Variants in AKT3 observed in about 807,000 individuals in gnomAD.
AKT3 encodes RAC-gamma serine/threonine-protein kinase.
A neutral mutation model predicts 65.3 loss-of-function variants in AKT3; 15 were observed. The observed-to-expected ratio is 0.23, with a 90% CI of 0.15 to 0.35. AKT3 has a LOEUF of 0.35. Among genes scored for constraint, AKT3 ranks in the 10% least tolerant of loss-of-function variants. The probability of loss-of-function intolerance (pLI) is 1.00; values close to 1 mark genes in which losing one functional copy is unlikely to be tolerated. For missense variants in AKT3, 243 were observed against 576.5 expected, an observed-to-expected ratio of 0.42 and a Z score of 5.92; for synonymous variants, 206 against 183.8, an observed-to-expected ratio of 1.12 and a Z score of -0.98.
intron 8 of AKT3, among the ~76,000 whole-genome samples, chr1:243,611,010 T>G (rs750853741): frequency 3.3e-5 from 5 of 152,240 alleles, no homozygotes; most frequent in Non-Finnish European, 5.9e-5. Flanking sequence ...CATTCTGTGG[T>G]GCATCTGTAC....
At chr1:243,640,490 C>T (rs981675831) in intron 5 of AKT3, among the ~76,000 whole-genome samples, 1 of 152,164 alleles carries the variant, frequency 6.6e-6, no homozygotes, top group African/African-American at 2.4e-5. Context: ...AGCCTTTAAG[C>T]CTGGCAGTTT....
At chr1:243,588,944 T>C (rs956770785) in intron 8 of AKT3, among the ~76,000 whole-genome samples, 10 of 151,774 alleles carry the variant, frequency 6.6e-5, no homozygotes. Flanking sequence ...ATCAACAGAG[T>C]CAAAAACCTA....
intron 7 of AKT3, 57 bp from the exon 8 acceptor site, chr1:243,613,796 A>G: frequency 9.1e-7 from 1 of 1,098,960 alleles, no homozygotes; most frequent in Non-Finnish European, 1.3e-6. Flanking sequence ...TTATAATTAT[A>G]ATAGTACTAA....
rs1670072927 is a variant in AKT3 at position 243,512,440 on chromosome 1, GAA to G, written c.1252-16_1252-15del. On this transcript the variant is annotated splice_polypyrimidine_tract_variant and intron_variant, in intron 12 of 13. Coordinates refer to ENST00000673466, the MANE Select transcript of AKT3 (RefSeq NM_005465.7). Reference sequence around the variant, plus strand: ...AGGAGGTACAAGCTGTAAAAAGAAAGAAAAAGAGTTTTATTAACTGATTTCAA... The same window carrying G: ...AGGAGGTACAAGCTGTAAAAAGAAAGAAAGAGTTTTATTAACTGATTTCAA... 1 of 1,462,234 alleles carries G rather than the reference GAA, an allele frequency of 6.8e-7. No homozygotes were observed. Among genetic ancestry groups the G allele is most frequent in the African/African-American group, 1.4e-5 (1 of 70,024 alleles). 90.6% of individuals were successfully genotyped at this position (1,462,234 alleles called of 1,614,324 possible). A position where few individuals can be genotyped will look rare whatever the true frequency, so the allele number is the denominator to read the frequency against.
At chr1:243,613,529 C>T (rs931637448) in intron 8 of AKT3, 142 bp downstream of exon 8, 22 of 474,220 alleles carry the variant, frequency 4.6e-5, no homozygotes, top group Admixed American at 1.2e-4. Context: ...AATTTCGCTC[C>T]CATTTGTTCA....
intron 2 of AKT3, among the ~76,000 whole-genome samples, chr1:243,720,342 G>T (rs930621255): frequency 7.3e-5 from 11 of 149,850 alleles, no homozygotes; most frequent in Non-Finnish European, 1.2e-4. Context: ...GGTTAAAAAT[G>T]GTTAAAATGG....
intron 12 of AKT3, among the ~76,000 whole-genome samples, chr1:243,529,336 T>C (rs1671367618): frequency 1.3e-5 from 2 of 152,198 alleles, no homozygotes; most frequent in Non-Finnish European, 2.9e-5. Context: ...CAATGGCTTT[T>C]GGAGTCTTTG....
chr1:243,793,349 A>G (rs770202622), intron 2 of AKT3: 1 of 152,070 alleles, frequency 6.6e-6, no homozygotes, highest in Non-Finnish European at 1.5e-5. Context: ...CAGCCTCCCA[A>G]AGTATTGGGA....
intron 3 of AKT3, among the ~76,000 whole-genome samples, chr1:243,671,058 G>A (rs12032342): frequency 0.17 from 25,658 of 150,626 alleles, 2,357 homozygotes; most frequent in East Asian, 0.3. Context: ...TGTGAAAAAC[G>A]AAGGCATAAT....
chr1:243,570,952 C>T (rs919115196), intron 9 of AKT3, among the ~76,000 whole-genome samples: 1 of 152,122 alleles, frequency 6.6e-6, no homozygotes, highest in African/African-American at 2.4e-5. Context: ...CTTTATATTG[C>T]AGTTTGACAA....
chr1:243,520,677 C>CT (rs1375665580), intron 12 of AKT3, among the ~76,000 whole-genome samples: 1 of 152,142 alleles, frequency 6.6e-6, no homozygotes, highest in Admixed American at 6.5e-5. Context: ...TGAAACAAAT[C>CT]TTTATTTGAA....
chr1:243,544,698 G>GTTTTTTTTTT (rs149837431), intron 12 of AKT3, among the ~76,000 whole-genome samples: 1 of 93,962 alleles, frequency 1.1e-5, no homozygotes. Context: ...GTGGTTTTTT[G>GTTTTTTTTTT]TTTTTTGTTT....
At chr1:243,547,541 T>C (rs1405927882) in intron 11 of AKT3, among the ~76,000 whole-genome samples, 1 of 152,142 alleles carries the variant, frequency 6.6e-6, no homozygotes, top group East Asian at 1.9e-4. Context: ...ATGGGTTATG[T>C]CTAGATAAGC....
Position 243,514,318 on chromosome 1 carries a change from GACCTGTAACTTTAACAAACTGAA to G in AKT3, c.1252-1915_1252-1893del, listed in dbSNP as rs1368003365. Among the ~76,000 whole-genome samples, 6 of 152,212 alleles carry G rather than the reference GACCTGTAACTTTAACAAACTGAA, an allele frequency of 3.9e-5. No homozygotes were observed. In the East Asian group the frequency reaches 1.2e-3, roughly 29 times the overall value. On this transcript the variant is annotated intron_variant, in intron 12 of 13. Transcript: ENST00000673466. Reference sequence around the variant, plus strand: ...TTGTCCTTTTAGATGAGAGAATGATGACCTGTAACTTTAACAAACTGAAACCTATCTTAACACAGTTTTCAAAA... The same window carrying G: ...TTGTCCTTTTAGATGAGAGAATGATGACCTATCTTAACACAGTTTTCAAAA...
At chr1:243,686,651 ATTTTTTTTTTTTTTTTTTTTT>A (rs143487611) in intron 3 of AKT3, among the ~76,000 whole-genome samples, 9 of 23,524 alleles carry the variant, frequency 3.8e-4, no homozygotes, top group African/African-American at 1.1e-3. Context: ...ATATATATAT[ATTTTTTTTTTTTTTTTTTTTT>A]TTTTTTTTTT....
intron 8 of AKT3, among the ~76,000 whole-genome samples, chr1:243,590,223 A>G (rs145697908): frequency 6.6e-6 from 1 of 152,186 alleles, no homozygotes; most frequent in African/African-American, 2.4e-5. Context: ...ATTTGCTAAG[A>G]GAGTAGGTCT....
At chr1:243,599,643 ATTAT>A (rs1483740545) in intron 8 of AKT3, among the ~76,000 whole-genome samples, 1 of 152,256 alleles carries the variant, frequency 6.6e-6, no homozygotes, top group Non-Finnish European at 1.5e-5. Flanking sequence ...TCAAACTAAG[ATTAT>A]TTAAACTCAT....
At chr1:243,740,101 G>A (rs1688061083) in intron 2 of AKT3, among the ~76,000 whole-genome samples, 1 of 152,186 alleles carries the variant, frequency 6.6e-6, no homozygotes, top group Non-Finnish European at 1.5e-5. Context: ...CGGAAGAGAA[G>A]GGTCTTCCTG....
Position 243,500,114 on chromosome 1 carries a change from T to A in AKT3, c.*5135A>T. ...AGACTTGAGTTGTAATGTTTCCTTT[T>A]TATCTTGTAGTGATGAACAAAACAC... is the stretch of plus-strand genomic sequence containing the variant. On this transcript the variant is annotated 3_prime_UTR_variant, in exon 14 of 14. Coordinates refer to ENST00000673466, the MANE Select transcript of AKT3 (RefSeq NM_005465.7). 2.7e-6 allele frequency: 1 copy of A among 374,624 alleles called. No homozygotes were observed. The highest frequency in any genetic ancestry group is 4.8e-6 in the Non-Finnish European group (1 of 206,970). The allele number at this position is 374,624 out of a possible 1,614,324, so 23.2% of individuals were successfully genotyped here.
Sources: gnomAD v4.1 joint callset for allele counts (sites outside exome capture counted in the v4.1 genomes callset) on GRCh38, gnomAD v4.1.1 for gene constraint, MANE v1.5 for transcripts, NCBI Gene and HGNC (gene_info 2026-07-23, HGNC 2026-07-21) for gene names.